Variants in DRP2 observed in about 807,000 individuals in gnomAD.
DRP2 encodes the protein dystrophin-related protein 2.
In DRP2, 29 loss-of-function variants were observed where a neutral mutation model predicts 78.2. The ratio of observed to expected loss-of-function variants is 0.37; its 90% CI spans 0.28 to 0.51. The LOEUF is 0.51. Among genes scored for constraint, DRP2 ranks in the 20% least tolerant of loss-of-function variants. The probability of loss-of-function intolerance (pLI) is 0.94; values close to 1 mark genes in which losing one functional copy is unlikely to be tolerated. For synonymous variants in DRP2, 290 were observed against 281.9 expected (o/e 1.03, Z -0.29); for missense variants, 686 against 770.6 (o/e 0.89, Z 1.30).
At chrX:101,250,655 G>A in intron 15 of DRP2, 75 bp downstream of exon 15, 4 of 1,120,938 alleles carry the variant, frequency 3.6e-6, no homozygotes, top group Middle Eastern at 2.5e-4. Context: ...GGAGGACTAC[G>A]AGCTAGGCTT....
intron 17 of DRP2, 53 bp from the exon 18 acceptor site, chrX:101,254,372 C>T: frequency 1.7e-6 from 2 of 1,202,723 alleles, no homozygotes; most frequent in Non-Finnish European, 1.1e-6. Flanking sequence ...CACACCTGCC[C>T]AGTATATCTG....
chrX:101,242,483 G>T lies in DRP2; in HGVS notation c.975+12G>T, dbSNP rs1233168525. ...GGAAACAACTACAGGTAGAAGAGCA[G>T]CCTGGAGTGAACCATGGGGAGGTGC... is the stretch of plus-strand genomic sequence containing the variant. On this transcript the variant is annotated intron_variant, in intron 8 of 23. Transcript: ENST00000395209. 10 of 1,202,889 alleles carry T rather than the reference G, an allele frequency of 8.3e-6. No individual in the cohort carries two copies. Among genetic ancestry groups the T allele is most frequent in the Non-Finnish European group, 1.1e-5 (10 of 891,763 alleles).
chrX:101,234,935 G>T (rs1343683321), intron 3 of DRP2, among the ~76,000 whole-genome samples: 1 of 110,968 alleles, frequency 9.0e-6, no homozygotes, highest in Non-Finnish European at 1.9e-5. Context: ...TAGACAAGCA[G>T]GTAGGCAGGT....
chrX:101,259,696 C>T (rs1489970449), intron 22 of DRP2, among the ~76,000 whole-genome samples: 2 of 111,162 alleles, frequency 1.8e-5, no homozygotes, highest in Non-Finnish European at 3.8e-5. Flanking sequence ...CGGGGTTTCT[C>T]CATGTTGGTT....
chrX:101,231,741 C>A lies in DRP2; in HGVS notation c.94C>A (p.Arg32=), dbSNP rs781126747. The change falls in exon 3 of 24, where the codon CGA becomes AGA. Residue 32 remains arginine (R), a synonymous_variant. Coordinates refer to ENST00000395209, the MANE Select transcript of DRP2 (RefSeq NM_001939.3). The stretch of plus-strand genomic sequence containing the variant: ...CCAGTTCCATCATAGCAGCAGCCTC[C>A]GAAGCACCTGCCCCCACCCTCAGGT... ...ADQFHHSSSL[R]STCPHPQVRA... is the part of the protein sequence containing the mutation. The A allele has an allele frequency of 2.5e-6, 3 of 1,209,884 alleles. No individual in the cohort carries two copies. The South Asian group carries it at 5.3e-5, about 21-fold the overall frequency.
chrX:101,257,934 A>G (rs1923408615), intron 21 of DRP2, among the ~76,000 whole-genome samples: 1 of 110,929 alleles, frequency 9.0e-6, no homozygotes. Flanking sequence ...CTTGGAATCT[A>G]AACATCTAAA....
At chrX:101,221,490 C>T (rs1454154930) in intron 1 of DRP2, among the ~76,000 whole-genome samples, 1 of 112,567 alleles carries the variant, frequency 8.9e-6, no homozygotes, top group Admixed American at 9.4e-5. Flanking sequence ...CCAAGCCCCT[C>T]TGTCTCTGGG....
rs1922888067 is a variant in DRP2 at position 101,245,306 on chromosome X, G to T, written c.1116-82G>T. On this transcript the variant is annotated intron_variant, in intron 10 of 23. Coordinates refer to ENST00000395209, the MANE Select transcript of DRP2 (RefSeq NM_001939.3). ...CCCTGCAGCTTCTTGCATCCAACCT[G>T]TCACTTGAGTGGTGTGCACATCTGA... is the stretch of plus-strand genomic sequence containing the variant. 9.0e-6 allele frequency: 9 copies of T among 995,277 alleles called. No homozygotes were observed. In the South Asian group the frequency reaches 1.9e-4, roughly 21 times the overall value. 82.0% of individuals were successfully genotyped at this position (995,277 alleles called of 1,213,427 possible). A position where few individuals can be genotyped will look rare whatever the true frequency, so the allele number is the denominator to read the frequency against.
rs752214534 is a variant in DRP2 at position 101,252,736 on chromosome X, G to T, written c.1977+20G>T. 13 of 1,169,680 alleles carry T rather than the reference G, an allele frequency of 1.1e-5. No individual in the cohort carries two copies. Among genetic ancestry groups the T allele is most frequent in the Middle Eastern group, 2.5e-4 (1 of 4,075 alleles). ...ACACCGGTATGAAGCCTCCAGGCTG[G>T]GTGGGAGGGTTAGGCAGCTCTCAGG... is the stretch of plus-strand genomic sequence containing the variant. On this transcript the variant is annotated intron_variant, in intron 17 of 23. Transcript: ENST00000395209.
At chrX:101,244,436 T>C (rs756420819) in intron 9 of DRP2, among the ~76,000 whole-genome samples, 1 of 112,024 alleles carries the variant, frequency 8.9e-6, no homozygotes, top group South Asian at 3.8e-4. Flanking sequence ...GGAGGACTCT[T>C]GTACCGAGGA....
chrX:101,228,304 T>TA (rs1420738011), intron 2 of DRP2, among the ~76,000 whole-genome samples: 1 of 112,755 alleles, frequency 8.9e-6, no homozygotes, highest in African/African-American at 3.2e-5. Context: ...GTCTAATTGT[T>TA]AAACTATGGT....
chrX:101,224,191 G>GTTTTGTTTTTTT (rs1922007763), intron 1 of DRP2, among the ~76,000 whole-genome samples: 3 of 38,864 alleles, frequency 7.7e-5, no homozygotes, highest in African/African-American at 3.8e-4. Flanking sequence ...GGTTTTTTTT[G>GTTTTGTTTTTTT]TTTTTTTTTT....
At chrX:101,233,962 A>G (rs1280617054) in intron 3 of DRP2, among the ~76,000 whole-genome samples, 2 of 111,405 alleles carry the variant, frequency 1.8e-5, no homozygotes, top group Non-Finnish European at 3.8e-5. Flanking sequence ...GCACCCCTCC[A>G]TTTTCACAGT....
In DRP2 at chrX:101,235,922, C is replaced by G; in HGVS notation, c.180C>G (p.Ser60Arg). Residue 60 changes from serine (S) to arginine (R), a missense_variant, in exon 4 of 24, where the codon AGC (serine) becomes AGG (arginine). Physicochemically the swap from Ser to Arg is moderately radical, Grantham distance 110. Around this residue, in one of 2 missense-constraint regions of DRP2, gnomAD observed 263 missense variants for 239.1 expected, o/e 1.10. Transcript: ENST00000395209. ...PQDGAGVPCL[S>R]LKLLNGSVGA... is the part of the protein sequence containing the mutation. ...ATGGTGCTGGGGTTCCCTGCCTAAG[C>G]CTAAAGCTGTTGAACGGGTCTGTTG... 8.3e-7 allele frequency: 1 copy of G among 1,211,844 alleles called. No homozygotes were observed. The highest frequency in any genetic ancestry group is 1.1e-6 in the Non-Finnish European group (1 of 895,413).
intron 4 of DRP2, among the ~76,000 whole-genome samples, chrX:101,236,756 C>G (rs1922519752): frequency 8.9e-6 from 1 of 112,394 alleles, no homozygotes; most frequent in African/African-American, 3.2e-5. Flanking sequence ...CTATCAATGA[C>G]TTAACTGTGT....
chrX:101,249,928 C>G (rs1923070629), intron 14 of DRP2, among the ~76,000 whole-genome samples: 1 of 111,688 alleles, frequency 9.0e-6, no homozygotes. Flanking sequence ...ATTATGCATG[C>G]CAGTGTTTCC....
At chrX:101,244,926 A>G in intron 9 of DRP2, 91 bp from the exon 10 acceptor site, 1 of 881,523 alleles carries the variant, frequency 1.1e-6, no homozygotes, top group Non-Finnish European at 1.6e-6. Context: ...GGGCTTGACA[A>G]CCTCTTTGGG....
rs1308763736 is a variant in DRP2, at chrX:101,237,615, G to A, written c.282-4G>A. 1.2e-5 allele frequency: 13 copies of A among 1,088,082 alleles called. No homozygotes were observed. Among genetic ancestry groups the A allele is most frequent in the Non-Finnish European group, 1.6e-5 (13 of 824,271 alleles). The allele number at this position is 1,088,082 out of a possible 1,213,427, so 89.7% of individuals were successfully genotyped here. A position where few individuals can be genotyped will look rare whatever the true frequency, so the allele number is the denominator to read the frequency against. On this transcript the variant is annotated splice_polypyrimidine_tract_variant and splice_region_variant and intron_variant, in intron 4 of 23. Coordinates refer to ENST00000395209, the MANE Select transcript of DRP2 (RefSeq NM_001939.3). Reference sequence around the variant, plus strand: ...ACATCACTGGTTTTACTCATTGTGTGCAGCGCTCGCCTAGAGGCCTTCTCA... The same window carrying A: ...ACATCACTGGTTTTACTCATTGTGTACAGCGCTCGCCTAGAGGCCTTCTCA...
In DRP2 at chrX:101,247,141, G is replaced by A. The variant is rs1197805711; in HGVS notation, c.1229G>A (p.Arg410His). The A allele has an allele frequency of 7.5e-6, 9 of 1,207,978 alleles. No individual in the cohort carries two copies. Among genetic ancestry groups the A allele is most frequent in the South Asian group, 3.5e-5 (2 of 56,578 alleles). ...GCTTATCGCACTGCCATGAAACTCC[G>A]CAGAGTCCAGAAAGCCCTGCGCTGT... ...FSAYRTAMKL[R>H]RVQKALRLDL... Residue 410 changes from arginine to histidine, a missense_variant, in exon 12 of 24, where the codon CGC becomes CAC. Arg to His is a conservative substitution (Grantham distance 29). Coordinates refer to ENST00000395209, the MANE Select transcript of DRP2 (RefSeq NM_001939.3).
Sources: gnomAD v4.1 joint callset for allele counts (sites outside exome capture counted in the v4.1 genomes callset) on GRCh38, gnomAD v4.1.1 for gene constraint, gnomAD v4.1.1 regional missense constraint, MANE v1.5 for transcripts, NCBI Gene and HGNC (gene_info 2026-07-23, HGNC 2026-07-21) for gene names.